The following MINDY4B variants were observed in gnomAD, a reference collection of about 807,000 sequenced individuals.
MINDY4B encodes the protein inactive ubiquitin carboxyl-terminal hydrolase MINDY-4B.
A neutral mutation model predicts 16.7 loss-of-function variants in MINDY4B; 25 were observed. The observed-to-expected ratio is 1.49, with a 90% CI of 1.09 to 2.09. The LOEUF is 2.09. Ranked by LOEUF, MINDY4B falls within the 30% of genes most tolerant of loss-of-function variation. The pLI is 0.00. For missense variants in MINDY4B, 327 were observed against 168.4 expected (o/e 1.94, Z -5.21); for synonymous variants, 132 against 61.9 (o/e 2.13, Z -5.32).
intron 5 of MINDY4B, 110 bp from the exon 6 acceptor site, chr3:150,891,213 G>A (rs940403048): frequency 3.5e-5 from 22 of 625,782 alleles, no homozygotes; most frequent in Non-Finnish European, 5.2e-5. Context: ...AGAGAGCAGC[G>A]ATTTACACCC....
At chr3:150,897,320 A>C (rs1270207126) in intron 3 of MINDY4B, among the ~76,000 whole-genome samples, 1 of 102,538 alleles carries the variant, frequency 9.8e-6, no homozygotes, top group Non-Finnish European at 1.9e-5. Flanking sequence ...TGTGACTGGA[A>C]CTGTGTGTGT....
rs534985923 is a variant in MINDY4B at position 150,870,766 on chromosome 3, C to T, written c.*279G>A. Among the ~76,000 whole-genome samples, 3 of 152,194 alleles carry T rather than the reference C, an allele frequency of 2.0e-5. No individual in the cohort carries two copies. The highest frequency in any genetic ancestry group is 7.2e-5 in the African/African-American group (3 of 41,440). ...GGAAAAACATGCAAGAGAGAGGCTT[C>T]ATTTTCTCTTTTGAATAAAAGAAAG... On this transcript the variant is annotated 3_prime_UTR_variant, in exon 12 of 12. Transcript: ENST00000465419.
At chr3:150,902,232 G>A (rs886563989) in intron 3 of MINDY4B, among the ~76,000 whole-genome samples, 1 of 152,154 alleles carries the variant, frequency 6.6e-6, no homozygotes, top group Non-Finnish European at 1.5e-5. Flanking sequence ...AGATGCCTAG[G>A]CTGGTCCTGG....
At position 150,871,732 on chromosome 3, in the gene MINDY4B, C is replaced by T. The variant is rs147533357; in HGVS notation, c.1241-545G>A. Among the ~76,000 whole-genome samples the T allele has an allele frequency of 5.6e-3, 854 of 152,212 alleles. 8 individuals carry two copies. Among genetic ancestry groups the T allele is most frequent in the African/African-American group, 0.02 (823 of 41,532 alleles). ...GTGTGTGGTGGCGCGCGCCTGTAAT[C>T]CCAGCAGGAGGCTGAAGCACAAGAA... On this transcript the variant is annotated intron_variant, in intron 11 of 11. Coordinates refer to ENST00000465419, the MANE Select transcript of MINDY4B (RefSeq NM_001351281.2).
chr3:150,874,546 T>C (rs476406), intron 10 of MINDY4B, among the ~76,000 whole-genome samples: 1 of 151,580 alleles, frequency 6.6e-6, no homozygotes, highest in Admixed American at 6.6e-5. Context: ...GAGATAAACA[T>C]ATATATCTAC....
At chr3:150,886,126 C>A (rs520976) in intron 7 of MINDY4B, among the ~76,000 whole-genome samples, 80,656 of 152,034 alleles carry the variant, frequency 0.53, 21,798 homozygotes, top group South Asian at 0.62. Context: ...TCTGAAGGTG[C>A]CTTGCAATCT....
intron 10 of MINDY4B, among the ~76,000 whole-genome samples, chr3:150,881,613 T>G (rs1427186083): frequency 4.6e-5 from 1 of 21,524 alleles, no homozygotes; most frequent in Non-Finnish European, 1.2e-4. Context: ...CTGTCTCTGT[T>G]TAAAAAAAAA....
intron 7 of MINDY4B, 108 bp downstream of exon 7, chr3:150,890,212 G>C (rs956799092): frequency 2.4e-6 from 1 of 409,528 alleles, no homozygotes; most frequent in Non-Finnish European, 4.3e-6. Flanking sequence ...CCCTCAAAAT[G>C]ACCTGGTTTT....
intron 3 of MINDY4B, among the ~76,000 whole-genome samples, chr3:150,899,789 GC>G (rs1169297609): frequency 6.6e-6 from 1 of 152,102 alleles, no homozygotes; most frequent in African/African-American, 2.4e-5. Context: ...TTATCCAGAG[GC>G]ACTGAATTCA....
intron 10 of MINDY4B, among the ~76,000 whole-genome samples, chr3:150,877,444 T>C (rs1361161737): frequency 6.6e-6 from 1 of 152,178 alleles, no homozygotes; most frequent in Non-Finnish European, 1.5e-5. Flanking sequence ...TAGAGCACTG[T>C]CCCAGAAGCA....
intron 3 of MINDY4B, among the ~76,000 whole-genome samples, chr3:150,895,241 T>G (rs1711929702): frequency 1.3e-5 from 2 of 152,182 alleles, no homozygotes; most frequent in African/African-American, 4.8e-5. Context: ...ACAGCTGGGT[T>G]TTTACCCATT....
chr3:150,889,450 C>T (rs1047911828), intron 7 of MINDY4B, among the ~76,000 whole-genome samples: 6 of 152,238 alleles, frequency 3.9e-5, no homozygotes, highest in Admixed American at 6.5e-5. Flanking sequence ...TTCCACCGGG[C>T]CCACCTGGGT....
At chr3:150,904,509 G>T (rs1440237127) in intron 2 of MINDY4B, among the ~76,000 whole-genome samples, 1 of 152,138 alleles carries the variant, frequency 6.6e-6, no homozygotes, top group Non-Finnish European at 1.5e-5. Context: ...TGCTGTGTTT[G>T]CTCAGTGATT....
At chr3:150,901,350 T>C (rs1379896841) in intron 3 of MINDY4B, 1 of 152,160 alleles carries the variant, frequency 6.6e-6, no homozygotes, top group Non-Finnish European at 1.5e-5. Flanking sequence ...TAAGTATCTA[T>C]ATAAGATACA....
chr3:150,872,343 A>G (rs1003471910), intron 11 of MINDY4B, among the ~76,000 whole-genome samples: 16 of 152,250 alleles, frequency 1.1e-4, no homozygotes, highest in African/African-American at 3.9e-4. Flanking sequence ...AATAGTCACT[A>G]GATGCTTTTC....
intron 7 of MINDY4B, among the ~76,000 whole-genome samples, chr3:150,888,159 C>T (rs1711676458): frequency 6.6e-6 from 1 of 152,050 alleles, no homozygotes; most frequent in Non-Finnish European, 1.5e-5. Flanking sequence ...GGGGAGAATC[C>T]TTCCTTGCAT....
intron 7 of MINDY4B, among the ~76,000 whole-genome samples, chr3:150,887,531 A>C (rs1295810208): frequency 6.6e-6 from 1 of 152,190 alleles, no homozygotes; most frequent in Non-Finnish European, 1.5e-5. Flanking sequence ...ATGTCAGCTA[A>C]TTGAGGACAT....
chr3:150,899,877 G>C (rs1396872411), intron 3 of MINDY4B, among the ~76,000 whole-genome samples: 3 of 152,194 alleles, frequency 2.0e-5, no homozygotes, highest in Admixed American at 2.0e-4. Flanking sequence ...CTTCCAAAAA[G>C]CACACCCTGC....
chr3:150,878,126 C>A (rs1711499555), intron 10 of MINDY4B, among the ~76,000 whole-genome samples: 1 of 151,692 alleles, frequency 6.6e-6, no homozygotes, highest in Non-Finnish European at 1.5e-5. Flanking sequence ...CGTGGGGATT[C>A]AATAAATAAA....
Sources: gnomAD v4.1 joint callset for allele counts (sites outside exome capture counted in the v4.1 genomes callset) on GRCh38, gnomAD v4.1.1 for gene constraint, MANE v1.5 for transcripts, NCBI Gene and HGNC (gene_info 2026-07-23, HGNC 2026-07-21) for gene names.